Variants in TMEM260 observed in about 807,000 individuals in gnomAD.
TMEM260 encodes transmembrane protein 260.
Under a neutral mutation model 88.9 loss-of-function variants are expected in TMEM260, and 82 were observed. The observed-to-expected ratio is 0.92, with a 90% CI of 0.77 to 1.11. TMEM260 has a LOEUF of 1.11. TMEM260 is among the 50% of genes least tolerant of loss of function. The pLI, the probability that TMEM260 is intolerant of heterozygous loss-of-function variation, is 0.00. For missense variants in TMEM260, 902 were observed against 853.4 expected (o/e 1.06, Z -0.71); for synonymous variants, 314 against 309.3 (o/e 1.02, Z -0.16).
intron 14 of TMEM260, 118 bp from the exon 15 acceptor site, chr14:56,636,387 AAAT>A: frequency 1.3e-6 from 1 of 748,938 alleles, no homozygotes; most frequent in Non-Finnish European, 2.3e-6. Flanking sequence ...AGAGAATTGA[AAAT>A]AATACAATAA....
At chr14:56,602,432 G>A (rs1886633749) in intron 3 of TMEM260, among the ~76,000 whole-genome samples, 2 of 152,084 alleles carry the variant, frequency 1.3e-5, no homozygotes, top group Non-Finnish European at 2.9e-5. Flanking sequence ...TTGGAAGCCT[G>A]GATTCTAGGC....
intron 15 of TMEM260, among the ~76,000 whole-genome samples, chr14:56,638,029 C>T (rs535428381): frequency 3.3e-5 from 5 of 149,762 alleles, no homozygotes; most frequent in African/African-American, 7.3e-5. Flanking sequence ...GGAAGGCTTC[C>T]AGAGAGGATG....
At chr14:56,586,643 CA>C in intron 3 of TMEM260, among the ~76,000 whole-genome samples, 1 of 152,070 alleles carries the variant, frequency 6.6e-6, no homozygotes, top group Non-Finnish European at 1.5e-5. Context: ...AAGGAAAAAC[CA>C]AATTAAAACA....
chr14:56,639,650 G>T (rs1889415558), intron 15 of TMEM260, among the ~76,000 whole-genome samples: 1 of 152,204 alleles, frequency 6.6e-6, no homozygotes, highest in Non-Finnish European at 1.5e-5. Flanking sequence ...GACAGTGGGT[G>T]CAGTGCACCA....
downstream of TMEM260, among the ~76,000 whole-genome samples, chr14:56,654,109 C>G (rs528558825): frequency 6.6e-6 from 1 of 152,290 alleles, no homozygotes; most frequent in African/African-American, 2.4e-5. Flanking sequence ...GAACTTTCCC[C>G]CTCTCCTTCA....
In TMEM260 at chr14:56,591,162, CCACTGGAACTA is replaced by C. The variant is rs1473626469; in HGVS notation, c.344+5251_344+5261del. On this transcript the variant is annotated intron_variant, in intron 3 of 15. Transcript: ENST00000261556. ...AAATCTGTTTCCTGCCGAGATTTTG[CCACTGGAACTA>C]GTCATCAGTTATTATGGTTGTGATA... 2.0e-5 allele frequency among the ~76,000 whole-genome samples: 3 copies of C among 152,272 alleles called. No homozygotes were observed. In the East Asian group the frequency reaches 5.8e-4, roughly 29 times the overall value.
intron 15 of TMEM260, among the ~76,000 whole-genome samples, chr14:56,642,663 C>T (rs1327898596): frequency 6.6e-6 from 1 of 152,098 alleles, no homozygotes; most frequent in Non-Finnish European, 1.5e-5. Context: ...AAGATCAGAG[C>T]AGAACTGAAG....
chr14:56,605,797 TAAATAA>T, intron 5 of TMEM260, 114 bp downstream of exon 5: 1 of 628,122 alleles, frequency 1.6e-6, no homozygotes, highest in Non-Finnish European at 2.7e-6. Flanking sequence ...ATGTAAAGCA[TAAATAA>T]CCCTAGGGCC....
intron 3 of TMEM260, among the ~76,000 whole-genome samples, chr14:56,593,966 C>T (rs569104013): frequency 8.6e-4 from 130 of 151,968 alleles, no homozygotes; most frequent in African/African-American, 2.9e-3. Context: ...GTATTACAGG[C>T]GTGAGCCACC....
chr14:56,629,087 G>A (rs956808048), intron 12 of TMEM260, among the ~76,000 whole-genome samples: 4 of 151,416 alleles, frequency 2.6e-5, no homozygotes, highest in African/African-American at 9.7e-5. Context: ...GTAGAGATGG[G>A]GTTTCACCAT....
chr14:56,644,820 C>T (rs1473972837), intron 15 of TMEM260, among the ~76,000 whole-genome samples: 1 of 152,142 alleles, frequency 6.6e-6, no homozygotes, highest in South Asian at 2.1e-4. Flanking sequence ...ACAACCCCAT[C>T]AACAAGTGGG....
the TMEM260 span, among the ~76,000 whole-genome samples, chr14:56,661,641 A>C: frequency 6.6e-6 from 1 of 152,122 alleles, no homozygotes; most frequent in Non-Finnish European, 1.5e-5. Context: ...GCCTAAAGGA[A>C]TGACTAGCCA....
At chr14:56,661,683 C>T in the TMEM260 span, among the ~76,000 whole-genome samples, 1 of 152,168 alleles carries the variant, frequency 6.6e-6, no homozygotes, top group Non-Finnish European at 1.5e-5. Flanking sequence ...GTCAGCCTCT[C>T]CCTGCCATGT....
the TMEM260 span, among the ~76,000 whole-genome samples, chr14:56,657,923 T>G: frequency 6.6e-6 from 1 of 152,184 alleles, no homozygotes; most frequent in Non-Finnish European, 1.5e-5. Flanking sequence ...CTTCTGCTGG[T>G]CTCAGCAACA....
At chr14:56,591,080 T>C (rs746965171) in intron 3 of TMEM260, among the ~76,000 whole-genome samples, 2 of 152,230 alleles carry the variant, frequency 1.3e-5, no homozygotes, top group South Asian at 2.1e-4. Context: ...TTTTAACAAA[T>C]GTCAGATTAT....
chr14:56,618,154 G>A (rs1204586872), intron 9 of TMEM260, among the ~76,000 whole-genome samples: 3 of 151,994 alleles, frequency 2.0e-5, no homozygotes, highest in South Asian at 2.1e-4. Flanking sequence ...AAGGGAGGGC[G>A]CTGCAGGCCC....
Position 56,596,793 on chromosome 14 carries a change from A to AT in TMEM260, c.345-7022_345-7021insT, listed in dbSNP as rs1176875735. On this transcript the variant is annotated intron_variant, in intron 3 of 15. Coordinates refer to ENST00000261556, the MANE Select transcript of TMEM260 (RefSeq NM_017799.4). ...AAAAAAAAAAAAAAATTAAAAAAAAAAATATATATATATACACACACACAC... is the reference window on the plus strand; with the variant it reads ...AAAAAAAAAAAAAAATTAAAAAAAAATAATATATATATATACACACACACAC... Among the ~76,000 whole-genome samples, 155 of 128,660 alleles carry AT rather than the reference A, an allele frequency of 1.2e-3. 1 individual carries two copies. Among genetic ancestry groups the AT allele is most frequent in the East Asian group, 6.3e-3 (30 of 4,742 alleles). 84.4% of individuals were successfully genotyped at this position (128,660 alleles called of 152,430 possible). A position where few individuals can be genotyped will look rare whatever the true frequency, so the allele number is the denominator to read the frequency against.
At chr14:56,641,353 C>A (rs1011557929) in intron 15 of TMEM260, among the ~76,000 whole-genome samples, 1 of 152,074 alleles carries the variant, frequency 6.6e-6, no homozygotes, top group Non-Finnish European at 1.5e-5. Context: ...AGGGTGGGGG[C>A]CAATATTCAG....
At chr14:56,585,998 T>A in intron 3 of TMEM260, 86 bp downstream of exon 3, 1 of 1,400,096 alleles carries the variant, frequency 7.1e-7, no homozygotes, top group Non-Finnish European at 9.7e-7. Context: ...TAAAAAAATC[T>A]TTTGTTGCTT....
Sources: gnomAD v4.1 joint callset for allele counts (sites outside exome capture counted in the v4.1 genomes callset) on GRCh38, gnomAD v4.1.1 for gene constraint, MANE v1.5 for transcripts, NCBI Gene and HGNC (gene_info 2026-07-23, HGNC 2026-07-21) for gene names.